Variants in CA10 observed in about 807,000 individuals in gnomAD.
The protein encoded by CA10 is carbonic anhydrase-related protein 10.
In CA10, 14 loss-of-function variants were observed where a neutral mutation model predicts 44.2. The observed-to-expected ratio is 0.32, with a 90% CI of 0.21 to 0.50. The LOEUF is 0.50. Ranked by LOEUF, CA10 falls within the 20% of genes least tolerant of loss-of-function variation. The probability of loss-of-function intolerance (pLI) is 0.99; values close to 1 mark genes in which losing one functional copy is unlikely to be tolerated. For missense variants in CA10, 350 were observed against 409.7 expected (o/e 0.85, Z 1.26); for synonymous variants, 159 against 141.6 (o/e 1.12, Z -0.87).
intron 4 of CA10, among the ~76,000 whole-genome samples, chr17:51,663,327 C>T (rs953865280): frequency 4.8e-5 from 6 of 124,990 alleles, no homozygotes; most frequent in South Asian, 2.7e-4. Context: ...GCCTCCTGCA[C>T]GACGTCTAGA....
At chr17:52,121,691 C>T (rs1280185770) in intron 1 of CA10, among the ~76,000 whole-genome samples, 4 of 152,144 alleles carry the variant, frequency 2.6e-5, no homozygotes, top group African/African-American at 7.2e-5. Context: ...CACACACACA[C>T]ACACACACAC....
intron 1 of CA10, among the ~76,000 whole-genome samples, chr17:52,140,361 C>T (rs1484378588): frequency 2.0e-5 from 3 of 152,198 alleles, no homozygotes; most frequent in Admixed American, 6.5e-5. Context: ...GGCTCTGTTG[C>T]AGCTACTCAA....
rs78127065 is a variant in CA10 at position 51,717,853 on chromosome 17, A to G, written c.465+29780T>C. Among the ~76,000 whole-genome samples the G allele has an allele frequency of 4.6e-4, 17 of 36,636 alleles. 2 individuals carry two copies. Among genetic ancestry groups the G allele is most frequent in the African/African-American group, 8.0e-4 (11 of 13,770 alleles). 24.0% of individuals were successfully genotyped at this position (36,636 alleles called of 152,430 possible). ...TGTATATATATATATATATATATAT[A>G]TATATATATATATATACAGGATAGA... On this transcript the variant is annotated intron_variant, in intron 4 of 8. Coordinates refer to ENST00000451037, the MANE Select transcript of CA10 (RefSeq NM_020178.5).
At chr17:51,907,500 T>C (rs1279470317) in intron 3 of CA10, among the ~76,000 whole-genome samples, 1 of 152,128 alleles carries the variant, frequency 6.6e-6, no homozygotes, top group Non-Finnish European at 1.5e-5. Context: ...CTACGTACTT[T>C]ATTGGTTTAA....
At chr17:51,738,815 T>TTTA (rs1904342343) in intron 4 of CA10, among the ~76,000 whole-genome samples, 3 of 152,216 alleles carry the variant, frequency 2.0e-5, no homozygotes, top group Non-Finnish European at 4.4e-5. Flanking sequence ...TAAGAAGGTT[T>TTTA]TTTGAATCTT....
intron 3 of CA10, among the ~76,000 whole-genome samples, chr17:51,887,152 T>C (rs1567873670): frequency 6.6e-6 from 1 of 151,284 alleles, no homozygotes. Flanking sequence ...CTTCGGCTAA[T>C]ACAATCTTAT....
At chr17:52,073,572 A>G (rs1987741770) in intron 1 of CA10, among the ~76,000 whole-genome samples, 1 of 152,178 alleles carries the variant, frequency 6.6e-6, no homozygotes, top group Non-Finnish European at 1.5e-5. Flanking sequence ...AAACAAATAA[A>G]AGAGAGACAA....
chr17:52,101,703 G>C (rs895845855), intron 1 of CA10, among the ~76,000 whole-genome samples: 1 of 152,156 alleles, frequency 6.6e-6, no homozygotes, highest in Non-Finnish European at 1.5e-5. Flanking sequence ...TGTCTTGGCT[G>C]CCATTGAACG....
chr17:51,958,078 G>A (rs757671000), intron 2 of CA10, among the ~76,000 whole-genome samples: 2 of 152,022 alleles, frequency 1.3e-5, no homozygotes, highest in Non-Finnish European at 2.9e-5. Context: ...TCTTTGTCGT[G>A]CCTTCAATCT....
intron 1 of CA10, among the ~76,000 whole-genome samples, chr17:52,097,371 T>C (rs1378088903): frequency 1.3e-5 from 2 of 152,218 alleles, no homozygotes; most frequent in Non-Finnish European, 2.9e-5. Context: ...AATTTACCTA[T>C]AAACAGTCTT....
intron 3 of CA10, among the ~76,000 whole-genome samples, chr17:51,918,913 G>A (rs999430130): frequency 7.9e-5 from 12 of 152,146 alleles, no homozygotes; most frequent in Non-Finnish European, 1.2e-4. Flanking sequence ...TTAATCTTTC[G>A]TGCAACATTA....
chr17:51,728,383 C>G (rs1412714797), intron 4 of CA10, among the ~76,000 whole-genome samples: 1 of 151,880 alleles, frequency 6.6e-6, no homozygotes, highest in Non-Finnish European at 1.5e-5. Context: ...TACTACTGTC[C>G]TTTTTCTGTT....
At chr17:52,084,111 C>G (rs1401325731) in intron 1 of CA10, among the ~76,000 whole-genome samples, 1 of 152,036 alleles carries the variant, frequency 6.6e-6, no homozygotes, top group Non-Finnish European at 1.5e-5. Context: ...ACTTGGGGAA[C>G]AGAATATAAG....
At position 52,116,274 on chromosome 17, in the gene CA10, C is replaced by A. The variant is rs149983917; in HGVS notation, c.61+41452G>T. ...CCTTTTAGAAGGTGTTTTTACTAGG[C>A]CAGGACCCCAATTCACAAGATGCTC... On this transcript the variant is annotated intron_variant, in intron 1 of 8. Transcript: ENST00000451037. 2.2e-4 allele frequency among the ~76,000 whole-genome samples: 33 copies of A among 152,172 alleles called. No homozygotes were observed. The East Asian group carries it at 4.3e-3, about 20-fold the overall frequency.
At chr17:51,844,241 A>C (rs1978395514) in intron 3 of CA10, among the ~76,000 whole-genome samples, 1 of 152,172 alleles carries the variant, frequency 6.6e-6, no homozygotes, top group Admixed American at 6.5e-5. Flanking sequence ...AGAATTAGGG[A>C]ATATTGATAA....
intron 4 of CA10, among the ~76,000 whole-genome samples, chr17:51,719,940 G>T (rs1369225021): frequency 1.3e-5 from 2 of 152,114 alleles, no homozygotes; most frequent in Non-Finnish European, 2.9e-5. Flanking sequence ...GCAATGAAGT[G>T]GGCTTTGATC....
chr17:51,649,957 C>G (rs1567788952), intron 5 of CA10, among the ~76,000 whole-genome samples: 1 of 140,484 alleles, frequency 7.1e-6, no homozygotes, highest in Admixed American at 7.3e-5. Flanking sequence ...ATTCAATCAA[C>G]CAACCATCCA....
chr17:51,947,231 A>C (rs1405358674), intron 2 of CA10, among the ~76,000 whole-genome samples: 1 of 150,198 alleles, frequency 6.7e-6, no homozygotes, highest in Non-Finnish European at 1.5e-5. Flanking sequence ...GTGCAAAAAA[A>C]AAAAAAAAAA....
chr17:51,827,953 T>A (rs1009164611), intron 3 of CA10, among the ~76,000 whole-genome samples: 4 of 152,238 alleles, frequency 2.6e-5, no homozygotes, highest in Non-Finnish European at 5.9e-5. Context: ...GCTGGCAGGA[T>A]GTCAACACCC....
Sources: gnomAD v4.1 joint callset for allele counts (sites outside exome capture counted in the v4.1 genomes callset) on GRCh38, gnomAD v4.1.1 for gene constraint, MANE v1.5 for transcripts, NCBI Gene and HGNC (gene_info 2026-07-23, HGNC 2026-07-21) for gene names.